The following RBFOX3 variants were observed in gnomAD, a reference collection of about 807,000 sequenced individuals.
The protein encoded by RBFOX3 is RNA binding fox-1 homolog 3, also known as RNA binding protein fox-1 homolog 3.
Under a neutral mutation model 48.7 loss-of-function variants are expected in RBFOX3, and 17 were observed. The ratio of observed to expected loss-of-function variants is 0.35; its 90% confidence interval spans 0.24 to 0.52. The LOEUF (loss-of-function observed/expected upper bound fraction) is 0.52. Ranked by LOEUF, RBFOX3 falls within the 20% of genes least tolerant of loss-of-function variation. The pLI is 0.94. For missense variants in RBFOX3, 382 were observed against 497.5 expected (o/e 0.77, Z 2.21); for synonymous variants, 212 against 209.5 (o/e 1.01, Z -0.10).
intron 2 of RBFOX3, among the ~76,000 whole-genome samples, chr17:79,476,374 T>C (rs2077760795): frequency 6.6e-6 from 1 of 152,250 alleles, no homozygotes; most frequent in Non-Finnish European, 1.5e-5. Flanking sequence ...TTTTTCTATT[T>C]TTTTAAAAAA....
chr17:79,219,476 G>A (rs1483424796), intron 4 of RBFOX3, among the ~76,000 whole-genome samples: 2 of 152,188 alleles, frequency 1.3e-5, no homozygotes, highest in Non-Finnish European at 2.9e-5. Context: ...GTTCCGCCCA[G>A]TTGAGCTAGG....
At chr17:79,101,243 G>C (rs2076375408) in intron 9 of RBFOX3, among the ~76,000 whole-genome samples, 1 of 152,192 alleles carries the variant, frequency 6.6e-6, no homozygotes, top group Non-Finnish European at 1.5e-5. Context: ...CTCTGGCCCT[G>C]GGGGAAAGTC....
chr17:79,592,679 C>A (rs2093456983), intron 1 of RBFOX3, among the ~76,000 whole-genome samples: 1 of 152,054 alleles, frequency 6.6e-6, no homozygotes, highest in Non-Finnish European at 1.5e-5. Flanking sequence ...GGACTGCGGG[C>A]TCAGGACACC....
At chr17:79,120,225 T>C (rs1007340067) in intron 4 of RBFOX3, among the ~76,000 whole-genome samples, 4 of 152,178 alleles carry the variant, frequency 2.6e-5, no homozygotes, top group Non-Finnish European at 1.5e-5. Flanking sequence ...TTTGTCCCCA[T>C]ATCCCTGCAC....
intron 4 of RBFOX3, among the ~76,000 whole-genome samples, chr17:79,158,003 T>A (rs1381730170): frequency 6.6e-6 from 1 of 152,290 alleles, no homozygotes; most frequent in East Asian, 1.9e-4. Context: ...CCTTAGAATG[T>A]GGCTGTGCGT....
Position 79,090,801 on chromosome 17 carries a change from T to C in RBFOX3, c.*82A>G. Reference sequence around the variant, plus strand: ...TTTTGTTGCTTGGATCTTAACATCTTTTTTTGTTTTTTTTGTTTTGTGATT... The same window carrying C: ...TTTTGTTGCTTGGATCTTAACATCTCTTTTTGTTTTTTTTGTTTTGTGATT... On this transcript the variant is annotated 3_prime_UTR_variant, in exon 15 of 15. Transcript: ENST00000693108. The C allele has an allele frequency of 6.9e-7, 1 of 1,445,112 alleles. No homozygotes were observed. Among genetic ancestry groups the C allele is most frequent in the Non-Finnish European group, 9.3e-7 (1 of 1,077,692 alleles). The allele number at this position is 1,445,112 out of a possible 1,614,324, so 89.5% of individuals were successfully genotyped here. A position where few individuals can be genotyped will look rare whatever the true frequency, so the allele number is the denominator to read the frequency against.
Position 79,420,751 on chromosome 17 carries a change from G to A in RBFOX3, c.-175+61703C>T, listed in dbSNP as rs538696240. ...AGGAATCTCACCCCTGCCACAGGAG[G>A]GTCAGGCCTCTGCCCTCAGCTTCTA... On this transcript the variant is annotated intron_variant, in intron 2 of 14. Transcript: ENST00000693108. Among the ~76,000 whole-genome samples, 7 of 152,344 alleles carry A rather than the reference G, an allele frequency of 4.6e-5. No homozygotes were observed. In the South Asian group the frequency reaches 1.4e-3, roughly 32 times the overall value.
At chr17:79,289,184 C>A (rs183208024) in intron 3 of RBFOX3, among the ~76,000 whole-genome samples, 1 of 152,238 alleles carries the variant, frequency 6.6e-6, no homozygotes, top group Admixed American at 6.5e-5. Context: ...ACGTTCCGCA[C>A]AGCCTCTGCC....
rs538574256 is a variant in RBFOX3, at chr17:79,465,181, C to T, written c.-175+17273G>A. On this transcript the variant is annotated intron_variant, in intron 2 of 14. Coordinates refer to ENST00000693108, the MANE Select transcript of RBFOX3 (RefSeq NM_001350451.2). The stretch of plus-strand genomic sequence containing the variant: ...GAAACGCACCACGACCTTGGCTTCC[C>T]GAGGCGGCCTCCCCTCACCCCGACA... 9.8e-5 allele frequency among the ~76,000 whole-genome samples: 15 copies of T among 152,318 alleles called. No individual in the cohort carries two copies. In the South Asian group the frequency reaches 1.7e-3, roughly 17 times the overall value.
chr17:79,313,857 C>A (rs1384799468), intron 2 of RBFOX3, among the ~76,000 whole-genome samples: 1 of 152,202 alleles, frequency 6.6e-6, no homozygotes, highest in Non-Finnish European at 1.5e-5. Flanking sequence ...AGAGGCTCCC[C>A]TGCTTGTCCT....
At chr17:79,630,946 C>A in the RBFOX3 span, among the ~76,000 whole-genome samples, 54 of 152,268 alleles carry the variant, frequency 3.5e-4, no homozygotes, top group African/African-American at 1.3e-3. Context: ...ACGACAGCCC[C>A]CGCCCCACGA....
the RBFOX3 span, among the ~76,000 whole-genome samples, chr17:79,627,251 C>T: frequency 6.6e-6 from 1 of 152,206 alleles, no homozygotes; most frequent in African/African-American, 2.4e-5. Flanking sequence ...AGTGCCTCCA[C>T]CTGATGCCAC....
intron 1 of RBFOX3, among the ~76,000 whole-genome samples, chr17:79,534,984 T>C (rs1748975110): frequency 6.6e-6 from 1 of 152,032 alleles, no homozygotes; most frequent in Non-Finnish European, 1.5e-5. Context: ...GCAGCTCTCA[T>C]GCCCAGAGGG....
chr17:79,169,530 G>C (rs1250400230), intron 4 of RBFOX3, among the ~76,000 whole-genome samples: 1 of 152,206 alleles, frequency 6.6e-6, no homozygotes, highest in African/African-American at 2.4e-5. Context: ...AGGGCTGCAA[G>C]CCCTCAGTGC....
intron 2 of RBFOX3, among the ~76,000 whole-genome samples, chr17:79,382,658 C>T (rs916814567): frequency 1.3e-5 from 2 of 152,352 alleles, no homozygotes; most frequent in South Asian, 4.1e-4. Flanking sequence ...ACCACACTCA[C>T]GCGCATTTCC....
intron 4 of RBFOX3, among the ~76,000 whole-genome samples, chr17:79,143,020 G>A (rs1043823090): frequency 1.6e-4 from 25 of 152,278 alleles, no homozygotes; most frequent in African/African-American, 6.0e-4. Flanking sequence ...ACGGTGGGCT[G>A]CTGTGTGAAG....
intron 4 of RBFOX3, among the ~76,000 whole-genome samples, chr17:79,226,146 A>ATATGT (rs1314177458): frequency 6.6e-6 from 1 of 152,190 alleles, no homozygotes; most frequent in East Asian, 1.9e-4. Context: ...TATTTGGGGA[A>ATATGT]CCAGCAAGGT....
intron 2 of RBFOX3, among the ~76,000 whole-genome samples, chr17:79,437,971 C>A (rs2069912009): frequency 6.6e-6 from 1 of 152,176 alleles, no homozygotes; most frequent in Admixed American, 6.5e-5. Flanking sequence ...GGCACAAGCA[C>A]ACCATGCACA....
the RBFOX3 span, among the ~76,000 whole-genome samples, chr17:79,644,071 ACAACTTTATGC>A: frequency 6.6e-6 from 1 of 152,192 alleles, no homozygotes. Flanking sequence ...AATATTAAGA[ACAACTTTATGC>A]CAATACATTC....
Sources: allele counts gnomAD v4.1 joint callset (sites outside exome capture counted in the v4.1 genomes callset), GRCh38; gene constraint gnomAD v4.1.1; transcripts MANE v1.5; gene names NCBI Gene and HGNC (gene_info 2026-07-23, HGNC 2026-07-21).